SLC19A1: variants seen among roughly 807,000 people sequenced by gnomAD.
The protein encoded by SLC19A1 is reduced folate transporter.
Under a neutral mutation model 35.3 loss-of-function variants are expected in SLC19A1, and 37 were observed. The ratio of observed to expected loss-of-function variants is 1.05; its 90% confidence interval spans 0.81 to 1.38. The LOEUF is 1.38. SLC19A1 is among the 40% of genes most tolerant of loss of function. SLC19A1 has a pLI of 0.00. For missense variants in SLC19A1, 831 were observed against 826.9 expected (o/e 1.00, Z -0.06); for synonymous variants, 460 against 398.5 (o/e 1.15, Z -1.84).
In SLC19A1 at chr21:45,534,632, G is replaced by C; in HGVS notation, c.190-2484C>G. On this transcript the variant is annotated intron_variant, in intron 2 of 5. Transcript: ENST00000311124. This position sits in a 1 kb window ranked among gnomAD's most constrained non-coding sequence, Gnocchi z 4.2. ...CAGGCACCTCCTGGTCTTAGTTGAG[G>C]GTCTGAGCGCAGAGCTCCCCCTTGG... The C allele has an allele frequency of 6.5e-7, 1 of 1,534,548 alleles. No individual in the cohort carries two copies. Among genetic ancestry groups the C allele is most frequent in the Non-Finnish European group, 8.7e-7 (1 of 1,145,924 alleles).
At chr21:45,504,165 C>T (rs1007837591) in intron 3 of SLC19A1, 11 of 1,275,256 alleles carry the variant, frequency 8.6e-6, no homozygotes, top group Middle Eastern at 2.5e-4. Flanking sequence ...CTGTTCAGCC[C>T]TGCGAGGGGC....
rs556994805 is a variant in SLC19A1, at chr21:45,541,575, T to G, written c.-50+793A>C. Among the ~76,000 whole-genome samples the G allele has an allele frequency of 3.9e-5, 6 of 152,362 alleles. No individual in the cohort carries two copies. The East Asian group carries it at 1.2e-3, about 29-fold the overall frequency. On this transcript the variant is annotated intron_variant, in intron 1 of 5. Coordinates refer to ENST00000311124, the MANE Select transcript of SLC19A1 (RefSeq NM_194255.4). Reference sequence around the variant, plus strand: ...TGGACAGGACCCTAGGGGGATGGCTTTCCTGCTGTAGCGGTGTTGGAAGGA... The same window carrying G: ...TGGACAGGACCCTAGGGGGATGGCTGTCCTGCTGTAGCGGTGTTGGAAGGA...
Position 45,537,948 on chromosome 21 carries a change from G to A in SLC19A1, c.12C>T (p.Ser4=). The A allele has an allele frequency of 6.4e-7, 1 of 1,573,336 alleles. No homozygotes were observed. Among genetic ancestry groups the A allele is most frequent in the Non-Finnish European group, 8.6e-7 (1 of 1,164,470 alleles). Residue 4 remains serine (S), a synonymous_variant, in exon 2 of 6, where the codon TCC becomes TCT. Transcript: ENST00000311124. The part of the protein sequence containing the change: MVP[S]SPAVEKQVPV... ...GCACCTGCTTCTCCACCGCTGGGCT[G>A]GAGGGCACCATCCTGCTCAGGCCAC...
chr21:45,505,064 C>G (rs2037109479), intron 3 of SLC19A1: 4 of 1,566,244 alleles, frequency 2.6e-6, no homozygotes, highest in Non-Finnish European at 3.4e-6. Flanking sequence ...CAGCTGCAGC[C>G]CCACAAGCTT....
chr21:45,508,647 G>A (rs1000179804), downstream of SLC19A1, among the ~76,000 whole-genome samples: 18 of 152,210 alleles, frequency 1.2e-4, no homozygotes, highest in African/African-American at 4.3e-4. Context: ...GCCTGATGTG[G>A]AGCAGTGTCA....
rs945513995 is a variant in SLC19A1 at position 45,517,347 on chromosome 21, A to G, written c.1294-1207T>C. Among the ~76,000 whole-genome samples the G allele has an allele frequency of 2.0e-5, 3 of 151,734 alleles. No individual in the cohort carries two copies. Among genetic ancestry groups the G allele is most frequent in the Non-Finnish European group, 4.4e-5 (3 of 67,948 alleles). On this transcript the variant is annotated intron_variant, in intron 5 of 5. Coordinates refer to ENST00000311124, the MANE Select transcript of SLC19A1 (RefSeq NM_194255.4). This position sits in a 1 kb window ranked among gnomAD's most constrained non-coding sequence, Gnocchi z 4.4. ...ACACCAGACCTCGGCTCCACCCACCATGTCAGCAAGGACCCCCCACCCTCG... is the reference window on the plus strand; with the variant it reads ...ACACCAGACCTCGGCTCCACCCACCGTGTCAGCAAGGACCCCCCACCCTCG...
At position 45,515,071 on chromosome 21, in the gene SLC19A1, T is replaced by C. The variant is rs532806396; in HGVS notation, c.*587A>G. ...CAGCTCCGAGGACCAGAGCCGCTGC[T>C]CCCCTCTGATGACAATGTGTCTGCC... On this transcript the variant is annotated 3_prime_UTR_variant, in exon 6 of 6. Coordinates refer to ENST00000311124, the MANE Select transcript of SLC19A1 (RefSeq NM_194255.4). 6.5e-7 allele frequency: 1 copy of C among 1,544,822 alleles called. No individual in the cohort carries two copies. The highest frequency in any genetic ancestry group is 2.0e-5 in the Admixed American group (1 of 49,678).
At chr21:45,527,043 A>G (rs2077645182) in intron 4 of SLC19A1, among the ~76,000 whole-genome samples, 1 of 152,282 alleles carries the variant, frequency 6.6e-6, no homozygotes, top group Admixed American at 6.5e-5. Flanking sequence ...CACAGACAGA[A>G]AAGTCTAGAA....
intron 3 of SLC19A1, chr21:45,502,898 T>C (rs528698801): frequency 6.6e-6 from 1 of 152,288 alleles, no homozygotes; most frequent in South Asian, 2.1e-4. Context: ...GCAGGTGAAC[T>C]CTCAGGATGA....
chr21:45,510,637 C>T (rs957455110), downstream of SLC19A1, among the ~76,000 whole-genome samples: 47 of 152,338 alleles, frequency 3.1e-4, no homozygotes, highest in Admixed American at 2.0e-3. Flanking sequence ...TAGTGCCATG[C>T]GGGCTGGTGG....
intron 1 of SLC19A1, among the ~76,000 whole-genome samples, chr21:45,559,854 T>C (rs1311410666): frequency 6.6e-6 from 1 of 152,084 alleles, no homozygotes; most frequent in Admixed American, 6.5e-5. Flanking sequence ...GACAAGCAGA[T>C]TTATTTTTAC....
At position 45,514,135 on chromosome 21, in the gene SLC19A1, G is replaced by A. The variant is rs1268587323; in HGVS notation, c.*1523C>T. ...GGCCCTCAGGTTGGGGAGGCGCTGG[G>A]AGGAGGATTCTGATGGCGGTGTGGG... On this transcript the variant is annotated 3_prime_UTR_variant, in exon 6 of 6. Transcript: ENST00000311124. 2.0e-5 allele frequency: 3 copies of A among 152,662 alleles called. No individual in the cohort carries two copies. The highest frequency in any genetic ancestry group is 4.8e-5 in the African/African-American group (2 of 41,444). The allele number at this position is 152,662 out of a possible 1,614,324, so 9.5% of individuals were successfully genotyped here. A position where few individuals can be genotyped will look rare whatever the true frequency, so the allele number is the denominator to read the frequency against.
chr21:45,505,797 C>A, intron 3 of SLC19A1: 1 of 1,489,546 alleles, frequency 6.7e-7, no homozygotes, highest in South Asian at 1.2e-5. Flanking sequence ...GCCCCCCGCC[C>A]TCCCCGCCAA....
intron 4 of SLC19A1, among the ~76,000 whole-genome samples, chr21:45,528,228 G>A (rs2077718551): frequency 6.6e-6 from 1 of 152,138 alleles, no homozygotes; most frequent in South Asian, 2.1e-4. Flanking sequence ...CTGGATGCCA[G>A]CGCTGGGCAG....
rs758393981 is a variant in SLC19A1, at chr21:45,531,663, C to T, written c.675G>A (p.Ser225=). ...GGCCAGGATTCATGCGCTCCAGCTCCGAAGCCGAGGTTTCGCACCGCCCCC... is the reference window on the plus strand; with the variant it reads ...GGCCAGGATTCATGCGCTCCAGCTCTGAAGCCGAGGTTTCGCACCGCCCCC... ...DDRGRCETSA[S]ELERMNPGPG... The change falls in exon 3 of 6, where the codon TCG becomes TCA. Residue 225 remains serine, a synonymous_variant. Transcript: ENST00000311124. 6 of 1,612,380 alleles carry T rather than the reference C, an allele frequency of 3.7e-6. No homozygotes were observed. In the East Asian group the frequency reaches 8.9e-5, roughly 24 times the overall value.
rs1365379056 is a variant in SLC19A1, at chr21:45,540,409, C to T, written c.-50+1959G>A. Among the ~76,000 whole-genome samples, 8 of 152,252 alleles carry T rather than the reference C, an allele frequency of 5.3e-5. No homozygotes were observed. The highest frequency in any genetic ancestry group is 1.9e-4 in the East Asian group (1 of 5,176). ...CCCACCCACAGGACCCCCAGGGGCC[C>T]GGGAGCCCTGGGTACTTGGGCCCCC... On this transcript the variant is annotated intron_variant, in intron 1 of 5. Coordinates refer to ENST00000311124, the MANE Select transcript of SLC19A1 (RefSeq NM_194255.4). The surrounding 1 kb of genome is among the most constrained non-coding windows in gnomAD (Gnocchi z 5.5).
intron 3 of SLC19A1, chr21:45,506,244 A>C: frequency 2.2e-6 from 1 of 465,116 alleles, no homozygotes. Context: ...TACAAAGATA[A>C]ATGTCACCTC....
downstream of SLC19A1, among the ~76,000 whole-genome samples, chr21:45,511,521 A>C (rs2037607548): frequency 6.6e-6 from 1 of 152,120 alleles, no homozygotes; most frequent in South Asian, 2.1e-4. Flanking sequence ...GCCTGTGGTC[A>C]GCCATGTAAG....
chr21:45,528,097 G>GGGGCAGGC (rs1185893963), intron 4 of SLC19A1, among the ~76,000 whole-genome samples: 1 of 151,840 alleles, frequency 6.6e-6, no homozygotes, highest in African/African-American at 2.4e-5. Flanking sequence ...TGGAGGCTCG[G>GGGGCAGGC]GGGCAGGCAG....
Sources: gnomAD v4.1 joint callset for allele counts (sites outside exome capture counted in the v4.1 genomes callset) on GRCh38, gnomAD v4.1.1 for gene constraint, Gnocchi (gnomAD v3.1) non-coding constraint, MANE v1.5 for transcripts, NCBI Gene and HGNC (gene_info 2026-07-23, HGNC 2026-07-21) for gene names.